SLFN12L: variants seen among roughly 807,000 people sequenced by gnomAD.
The protein encoded by SLFN12L is schlafen family member 12-like.
SLFN12L carries 34 observed loss-of-function variants against 34.8 expected under a neutral mutation model. That is an observed-to-expected ratio of 0.98 (90% CI 0.74 to 1.30). The LOEUF (loss-of-function observed/expected upper bound fraction) is 1.30. Ranked by LOEUF, SLFN12L falls within the 50% of genes most tolerant of loss-of-function variation. The probability of loss-of-function intolerance (pLI) is 0.00; values close to 1 mark genes in which losing one functional copy is unlikely to be tolerated. For synonymous variants in SLFN12L, 259 were observed against 247.5 expected (o/e 1.05, Z -0.44); for missense variants, 703 against 696.2 (o/e 1.01, Z -0.11).
At chr17:35,532,302 T>C (rs2072419164) in intron 1 of SLFN12L, among the ~76,000 whole-genome samples, 1 of 151,670 alleles carries the variant, frequency 6.6e-6, no homozygotes, top group Non-Finnish European at 1.5e-5. Flanking sequence ...TAGCTGGGCG[T>C]GGTGGCACAT....
intron 2 of SLFN12L, among the ~76,000 whole-genome samples, chr17:35,506,139 G>A (rs2142154740): frequency 6.6e-6 from 1 of 152,260 alleles, no homozygotes; most frequent in East Asian, 1.9e-4. Flanking sequence ...ACTGGTGGGG[G>A]CTCATAAATG....
rs1490702211 is a variant in SLFN12L at position 35,479,248 on chromosome 17, T to C, written c.1034A>G (p.Tyr345Cys). 3 of 1,593,838 alleles carry C rather than the reference T, an allele frequency of 1.9e-6. No homozygotes were observed. The South Asian group carries it at 3.4e-5, about 18-fold the overall frequency. Reference sequence around the variant, plus strand: ...GCAGAAGCGTTCCACTCTGAGTGCATACACATATCCACAAAGCCTTCCTTT... The same window carrying C: ...GCAGAAGCGTTCCACTCTGAGTGCACACACATATCCACAAAGCCTTCCTTT... ...YDKGRLCGYVYALRVERFCCA... is the reference protein window; with the variant it reads ...YDKGRLCGYVCALRVERFCCA... The change falls in exon 3 of 5, where the codon TAT becomes TGT. Residue 345 changes from tyrosine (Y) to cysteine (C), a missense_variant. By Grantham distance (194) the Tyr-to-Cys change is radical. Transcript: ENST00000628453.
In SLFN12L at chr17:35,471,107, TG is replaced by T. The variant is rs1176816004; in HGVS notation, c.*3815del. Among the ~76,000 whole-genome samples, 1 of 150,650 alleles carries T rather than the reference TG, an allele frequency of 6.6e-6. No individual in the cohort carries two copies. The highest frequency in any genetic ancestry group is 1.9e-4 in the East Asian group (1 of 5,138). On this transcript the variant is annotated 3_prime_UTR_variant, in exon 5 of 5. Transcript: ENST00000628453. ...TCCATGCCTTTGCTATTGTAAATAG[TG>T]GGGCAATAAACATATGTGTGCATGT...
In SLFN12L at chr17:35,475,452, GT is replaced by G. The variant is rs750475063; in HGVS notation, c.1309del (p.Thr437ProfsTer16). On this transcript the variant is annotated frameshift_variant, in exon 5 of 5. Transcript: ENST00000628453. LOFTEE classifies it low-confidence loss of function (END_TRUNC). ...LSEKITCAPK[T>X]FCRNLFSQHE... ...TTGTGAGAACAGATTTCTGCAGAAG[GT>G]TTTTGGAGCACAAGTTATCTTTTCT... 10 of 1,611,438 alleles carry G rather than the reference GT, an allele frequency of 6.2e-6. No homozygotes were observed. In the African/African-American group the frequency reaches 1.3e-4, roughly 22 times the overall value.
intron 2 of SLFN12L, among the ~76,000 whole-genome samples, chr17:35,482,234 A>C (rs1380631530): frequency 6.6e-6 from 1 of 152,220 alleles, no homozygotes; most frequent in Non-Finnish European, 1.5e-5. Flanking sequence ...CAAAATTCAT[A>C]TGTTGAAATT....
chr17:35,530,798 A>G (rs1005094267), intron 1 of SLFN12L, among the ~76,000 whole-genome samples: 3 of 152,222 alleles, frequency 2.0e-5, no homozygotes, highest in East Asian at 1.9e-4. Context: ...CACAACCTGC[A>G]CAATCACTTT....
intron 2 of SLFN12L, chr17:35,480,415 A>T (rs11651631): frequency 2.2e-5 from 9 of 417,586 alleles, no homozygotes; most frequent in African/African-American, 4.1e-5. Flanking sequence ...ATACGATCTT[A>T]TTCTAATAAT....
intron 2 of SLFN12L, chr17:35,498,475 C>A (rs1363114429): frequency 9.8e-6 from 12 of 1,219,950 alleles, no homozygotes; most frequent in Non-Finnish European, 1.3e-5. Context: ...TCTGATTCCC[C>A]GCATAGCCAC....
intron 2 of SLFN12L, among the ~76,000 whole-genome samples, chr17:35,494,889 TTTTATTTATTTATTTATTTA>T (rs3087173): frequency 6.8e-6 from 1 of 146,842 alleles, no homozygotes; most frequent in African/African-American, 2.5e-5. Flanking sequence ...AATTTATTTA[TTTTATTTATTTATTTATTTA>T]TTTATTTATT....
chr17:35,487,613 T>G, intron 2 of SLFN12L: 15 of 1,174,330 alleles, frequency 1.3e-5, no homozygotes, highest in Non-Finnish European at 1.7e-5. Context: ...AACTGAAAGT[T>G]AAACGCCCAC....
At chr17:35,479,033 C>T in intron 3 of SLFN12L, 84 bp downstream of exon 3, 1 of 1,046,794 alleles carries the variant, frequency 9.6e-7, no homozygotes, top group Non-Finnish European at 1.4e-6. Context: ...GACTTTTAAT[C>T]TTGTCCCTAA....
At chr17:35,521,293 C>T (rs989047361) in intron 2 of SLFN12L, among the ~76,000 whole-genome samples, 16 of 152,058 alleles carry the variant, frequency 1.1e-4, no homozygotes, top group East Asian at 3.9e-4. Flanking sequence ...AGATAAATTG[C>T]GGAGTTTAGT....
intron 2 of SLFN12L, among the ~76,000 whole-genome samples, chr17:35,492,296 T>C (rs1032330658): frequency 2.6e-5 from 4 of 152,150 alleles, no homozygotes; most frequent in East Asian, 1.9e-4. Flanking sequence ...CTTGCTGACA[T>C]GGGTGACCCA....
In SLFN12L at chr17:35,511,154, T is replaced by C. The variant is rs146210516; in HGVS notation, c.86+11125A>G. On this transcript the variant is annotated intron_variant, in intron 2 of 4. Transcript: ENST00000628453. Reference sequence around the variant, plus strand: ...TTTTCTAGTAGAAAACATTTTAAGATGCAGAGTTCTTTTCTTTTTCTCCAA... The same window carrying C: ...TTTTCTAGTAGAAAACATTTTAAGACGCAGAGTTCTTTTCTTTTTCTCCAA... Among the ~76,000 whole-genome samples, 13 of 152,350 alleles carry C rather than the reference T, an allele frequency of 8.5e-5. No individual in the cohort carries two copies. In the East Asian group the frequency reaches 2.5e-3, roughly 29 times the overall value.
At chr17:35,490,756 C>G in intron 2 of SLFN12L, 1 of 1,489,228 alleles carries the variant, frequency 6.7e-7, no homozygotes, top group East Asian at 2.3e-5. Flanking sequence ...CCTTAAAGAC[C>G]AAACTGTTAT....
At chr17:35,515,180 G>T in intron 2 of SLFN12L, 2 of 609,900 alleles carry the variant, frequency 3.3e-6, no homozygotes, top group East Asian at 4.1e-5. Context: ...GCTCCGTTCC[G>T]ACCCAGCCTC....
At chr17:35,530,426 GAAGGGAAGGGAAGGGAAGAAAGAAAGAAA>G (rs1567693821) in intron 1 of SLFN12L, among the ~76,000 whole-genome samples, 4 of 10,656 alleles carry the variant, frequency 3.8e-4, no homozygotes, top group African/African-American at 1.5e-3. Flanking sequence ...AGGAAGGAAG[GAAGGGAAGGGAAGGGAAGAAAGAAAGAAA>G]GAAAGAAAGA....
Position 35,474,958 on chromosome 17 carries a change from AC to A in SLFN12L, c.1803del (p.Leu601PhefsTer11). The part of the protein sequence containing the change: ...FLFVCLFRFC[L>X]FVCWFVCFFL... ...AAAAAACAAACAAACCAACAAACAA[AC>A]AAACAAAAACGAAACAAACAAACAA... On this transcript the variant is annotated frameshift_variant, in exon 5 of 5. Coordinates refer to ENST00000628453, the MANE Select transcript of SLFN12L (RefSeq NM_001363830.2). LOFTEE classifies it high-confidence loss of function. The A allele has an allele frequency of 3.2e-6, 5 of 1,551,090 alleles. No homozygotes were observed. Among genetic ancestry groups the A allele is most frequent in the Non-Finnish European group, 4.4e-6 (5 of 1,146,858 alleles).
chr17:35,534,145 G>A (rs1461498613), intron 1 of SLFN12L, among the ~76,000 whole-genome samples: 4 of 152,120 alleles, frequency 2.6e-5, no homozygotes, highest in African/African-American at 9.7e-5. Flanking sequence ...GGCAGATCAT[G>A]AGGTCAAGAG....
Sources: allele counts gnomAD v4.1 joint callset (sites outside exome capture counted in the v4.1 genomes callset), GRCh38; gene constraint gnomAD v4.1.1; transcripts MANE v1.5; gene names NCBI Gene and HGNC (gene_info 2026-07-23, HGNC 2026-07-21).